DUSP13B: variants seen among roughly 807,000 people sequenced by gnomAD.
The protein encoded by DUSP13B is dual specificity protein phosphatase 13B.
chr10:75,097,603 A>T, the DUSP13B span: 1 of 1,052,210 alleles, frequency 9.5e-7, no homozygotes, highest in African/African-American at 1.6e-5. Flanking sequence ...GGTGGGAGGC[A>T]AGCGTGCCAC....
At chr10:75,101,296 C>T in the DUSP13B span, among the ~76,000 whole-genome samples, 2 of 152,178 alleles carry the variant, frequency 1.3e-5, no homozygotes, top group Non-Finnish European at 2.9e-5. Flanking sequence ...TGTAAAGCAC[C>T]TCCCACAGGG....
the DUSP13B span, among the ~76,000 whole-genome samples, chr10:75,103,725 TG>T: frequency 6.6e-6 from 1 of 152,198 alleles, no homozygotes; most frequent in Non-Finnish European, 1.5e-5. Flanking sequence ...CAGCCCCTCC[TG>T]GGGCTCTCTG....
the DUSP13B span, chr10:75,108,865 G>T: frequency 1.8e-6 from 2 of 1,092,278 alleles, no homozygotes; most frequent in Non-Finnish European, 2.5e-6. Context: ...CAGCACCCCC[G>T]GGGGTCCTGG....
the DUSP13B span, chr10:75,094,745 A>C: frequency 6.2e-7 from 1 of 1,614,048 alleles, no homozygotes; most frequent in African/African-American, 1.3e-5. Flanking sequence ...AGCCTGAGTT[A>C]GGGCAGATAT....
the DUSP13B span, among the ~76,000 whole-genome samples, chr10:75,098,419 T>C: frequency 2.0e-5 from 3 of 152,236 alleles, no homozygotes; most frequent in South Asian, 4.1e-4. Context: ...GACTGTGAAC[T>C]GGTATTTGTT....
chr10:75,107,133 C>T, the DUSP13B span, among the ~76,000 whole-genome samples: 1 of 152,116 alleles, frequency 6.6e-6, no homozygotes, highest in African/African-American at 2.4e-5. Context: ...GTTAGGAGTT[C>T]GAGACCAGCC....
chr10:75,101,823 A>C, the DUSP13B span: 1 of 1,301,910 alleles, frequency 7.7e-7, no homozygotes, highest in Non-Finnish European at 1.0e-6. Flanking sequence ...CAGCATGCTC[A>C]GGGACCACAT....
At chr10:75,108,213 G>T in the DUSP13B span, 1 of 1,593,750 alleles carries the variant, frequency 6.3e-7, no homozygotes, top group Non-Finnish European at 8.5e-7. Flanking sequence ...CGTGGCCCTG[G>T]GGAGGGCAGG....
the DUSP13B span, among the ~76,000 whole-genome samples, chr10:75,096,259 A>AAAC: frequency 0.014 from 2,113 of 151,878 alleles, 48 homozygotes; most frequent in African/African-American, 0.048. Context: ...CATCTCAAAA[A>AAAC]AACAACAACA....
At chr10:75,098,578 G>A in the DUSP13B span, among the ~76,000 whole-genome samples, 1 of 152,084 alleles carries the variant, frequency 6.6e-6, no homozygotes. Flanking sequence ...CCTGGCCAAT[G>A]AGGCAAAATC....
the DUSP13B span, chr10:75,099,573 G>A: frequency 8.1e-7 from 1 of 1,231,326 alleles, no homozygotes; most frequent in Non-Finnish European, 1.0e-6. Context: ...GGCGCCCATG[G>A]GGGGTGGGGC....
At chr10:75,100,035 CA>C in the DUSP13B span, among the ~76,000 whole-genome samples, 3 of 152,118 alleles carry the variant, frequency 2.0e-5, no homozygotes, top group Admixed American at 2.0e-4. Flanking sequence ...GGGGCTGCAC[CA>C]CCCCAGGCAG....
At chr10:75,094,780 T>A in the DUSP13B span, 1 of 1,614,094 alleles carries the variant, frequency 6.2e-7, no homozygotes, top group Non-Finnish European at 8.5e-7. Flanking sequence ...ACCGTCTGGA[T>A]GGCCTCTACC....
chr10:75,101,627 T>C, the DUSP13B span, among the ~76,000 whole-genome samples: 2 of 152,168 alleles, frequency 1.3e-5, no homozygotes, highest in African/African-American at 2.4e-5. Flanking sequence ...AAACCGAGAC[T>C]CAGAGAGGTT....
chr10:75,108,956 G>A, the DUSP13B span: 1 of 1,547,492 alleles, frequency 6.5e-7, no homozygotes, highest in Non-Finnish European at 8.7e-7. Flanking sequence ...AAGCGACCAA[G>A]AACTGCCTCT....
chr10:75,101,776 T>TCC, the DUSP13B span: 1 of 394,860 alleles, frequency 2.5e-6, no homozygotes. Context: ...ACCCCACCCC[T>TCC]CCCCACACAG....
chr10:75,106,193 T>C, the DUSP13B span, among the ~76,000 whole-genome samples: 1 of 151,310 alleles, frequency 6.6e-6, no homozygotes, highest in Non-Finnish European at 1.5e-5. Context: ...TCTCCCACCT[T>C]GGCCTCCCAA....
the DUSP13B span, chr10:75,095,788 CT>C: frequency 6.2e-7 from 1 of 1,614,076 alleles, no homozygotes. Context: ...TTGTCCCGGG[CT>C]GCGTACCTGG....
At chr10:75,108,105 C>A in the DUSP13B span, 2 of 1,613,848 alleles carry the variant, frequency 1.2e-6, no homozygotes, top group East Asian at 2.2e-5. Context: ...CACACTGCTG[C>A]CGTAGAAGTC....
Sources: gnomAD v4.1 joint callset for allele counts (sites outside exome capture counted in the v4.1 genomes callset) on GRCh38, gnomAD v4.1.1 for gene constraint, MANE v1.5 for transcripts, NCBI Gene and HGNC (gene_info 2026-07-23, HGNC 2026-07-21) for gene names.